The following MOXD1 variants were observed in gnomAD, a reference collection of about 807,000 sequenced individuals.
MOXD1 encodes DBH-like monooxygenase protein 1.
MOXD1 carries 62 observed loss-of-function variants against 66.6 expected under a neutral mutation model. The ratio of observed to expected loss-of-function variants is 0.93; its 90% CI spans 0.76 to 1.15. The LOEUF (loss-of-function observed/expected upper bound fraction) is 1.15. Ranked by LOEUF, MOXD1 falls within the 50% of genes most tolerant of loss-of-function variation. The pLI is 0.00. For synonymous variants in MOXD1, 303 were observed against 281.9 expected, an observed-to-expected ratio of 1.07 and a Z score of -0.75; for missense variants, 847 against 754.6, an observed-to-expected ratio of 1.12 and a Z score of -1.44.
At chr6:132,380,872 G>T (rs1776494243) in intron 1 of MOXD1, among the ~76,000 whole-genome samples, 1 of 152,114 alleles carries the variant, frequency 6.6e-6, no homozygotes, top group Non-Finnish European at 1.5e-5. Context: ...GACACATCTG[G>T]CACTGAAATC....
intron 4 of MOXD1, among the ~76,000 whole-genome samples, chr6:132,361,572 T>C (rs2114642618): frequency 6.6e-6 from 1 of 152,224 alleles, no homozygotes; most frequent in East Asian, 1.9e-4. Flanking sequence ...TCCTGGGAAA[T>C]TTTAATATAT....
At position 132,375,582 on chromosome 6, in the gene MOXD1, C is replaced by T. The variant is rs140920000; in HGVS notation, c.265-805G>A. ...CTGGGACCACAGGTGCCCACCGCCA[C>T]GCCTGGCTAATGCATTTTTAGTAGA... On this transcript the variant is annotated intron_variant, in intron 1 of 11. Coordinates refer to ENST00000367963, the MANE Select transcript of MOXD1 (RefSeq NM_015529.4). 2.8e-3 allele frequency among the ~76,000 whole-genome samples: 429 copies of T among 152,234 alleles called. 3 individuals are homozygous for T. Among genetic ancestry groups the T allele is most frequent in the African/African-American group, 9.8e-3 (405 of 41,526 alleles).
chr6:132,343,340 T>C (rs897095007), intron 4 of MOXD1, among the ~76,000 whole-genome samples: 16 of 152,130 alleles, frequency 1.1e-4, no homozygotes, highest in African/African-American at 3.1e-4. Context: ...TTTGGGAGAC[T>C]GAGGTGGGCG....
chr6:132,401,059 G>A (rs970628302), intron 1 of MOXD1, 104 bp downstream of exon 1: 40 of 1,308,180 alleles, frequency 3.1e-5, no homozygotes, highest in Non-Finnish European at 3.8e-5. Context: ...TGCGCCAGGT[G>A]AGAGAGAGCT....
At position 132,315,748 on chromosome 6, in the gene MOXD1, A is replaced by G. The variant is rs1376062348; in HGVS notation, c.1395T>C (p.Cys465=). Residue 465 remains cysteine (C), a synonymous_variant, in exon 10 of 12, where the codon TGT becomes TGC. Transcript: ENST00000367963. ...WGGLSTRSEM[C]LSYLLYYPRI... is the part of the protein sequence containing the mutation. ...TTGGGTAATAAAGAAGGTATGAGAG[A>G]CACATTTCACTCCTGGTGCTTAGTC... The G allele has an allele frequency of 6.2e-7, 1 of 1,613,502 alleles. No individual in the cohort carries two copies. The highest frequency in any genetic ancestry group is 8.5e-7 in the Non-Finnish European group (1 of 1,179,686).
At chr6:132,367,077 C>T (rs1415218373) in intron 4 of MOXD1, among the ~76,000 whole-genome samples, 4 of 152,048 alleles carry the variant, frequency 2.6e-5, no homozygotes, top group African/African-American at 7.2e-5. Context: ...ATTTCTCTTC[C>T]TGTAGCAATT....
At chr6:132,303,403 A>G (rs2114529027) in intron 10 of MOXD1, among the ~76,000 whole-genome samples, 1 of 152,188 alleles carries the variant, frequency 6.6e-6, no homozygotes, top group African/African-American at 2.4e-5. Flanking sequence ...TGGGGGACTG[A>G]GGATAGCAAA....
chr6:132,354,134 T>C (rs965833898), intron 4 of MOXD1, among the ~76,000 whole-genome samples: 1 of 152,350 alleles, frequency 6.6e-6, no homozygotes, highest in East Asian at 1.9e-4. Flanking sequence ...ATAAGTAACC[T>C]CCTGAATTCT....
intron 4 of MOXD1, among the ~76,000 whole-genome samples, chr6:132,360,162 G>A (rs1025833193): frequency 2.0e-5 from 3 of 152,170 alleles, no homozygotes; most frequent in South Asian, 2.1e-4. Context: ...TGAAGTCAGC[G>A]TCCTATTTTT....
At chr6:132,340,441 CTT>C (rs71868555) in intron 4 of MOXD1, among the ~76,000 whole-genome samples, 2,430 of 106,318 alleles carry the variant, frequency 0.023, 52 homozygotes, top group African/African-American at 0.078. Flanking sequence ...GCAACACTTT[CTT>C]TTTTTTTTTT....
In MOXD1 at chr6:132,376,574, C is replaced by G. The variant is rs1473199927; in HGVS notation, c.265-1797G>C. ...TGTCGCCCAGGCTGGAGTGCAGTGG[C>G]GGGATCTCGGCTCACTGCAAGCTCC... On this transcript the variant is annotated intron_variant, in intron 1 of 11. Transcript: ENST00000367963. Among the ~76,000 whole-genome samples, 2 of 50,254 alleles carry G rather than the reference C, an allele frequency of 4.0e-5. 1 individual carries two copies. Among genetic ancestry groups the G allele is most frequent in the East Asian group, 6.1e-3 (2 of 326 alleles). The allele number at this position is 50,254 out of a possible 152,430, so 33.0% of individuals were successfully genotyped here.
intron 1 of MOXD1, among the ~76,000 whole-genome samples, chr6:132,385,354 T>A (rs1241152770): frequency 6.6e-6 from 1 of 152,104 alleles, no homozygotes; most frequent in Non-Finnish European, 1.5e-5. Flanking sequence ...CCCTCCACCT[T>A]CTTTTGAGTA....
Position 132,401,443 on chromosome 6 carries a change from C to G in MOXD1, c.-17G>C. On this transcript the variant is annotated 5_prime_UTR_variant, in exon 1 of 12. Transcript: ENST00000367963. ...GCAGCACATCCTCGGGCGCCTCCTG[C>G]CCGCCGGTACCGGCCTCCAGCCGCT... is the stretch of plus-strand genomic sequence containing the variant. The G allele has an allele frequency of 1.4e-6, 2 of 1,465,950 alleles. No individual in the cohort carries two copies. Among genetic ancestry groups the G allele is most frequent in the Non-Finnish European group, 1.8e-6 (2 of 1,115,012 alleles). 90.8% of individuals were successfully genotyped at this position (1,465,950 alleles called of 1,614,324 possible). A position where few individuals can be genotyped will look rare whatever the true frequency, so the allele number is the denominator to read the frequency against.
At chr6:132,321,510 A>T (rs1775078137) in intron 8 of MOXD1, among the ~76,000 whole-genome samples, 2 of 152,158 alleles carry the variant, frequency 1.3e-5, no homozygotes. Flanking sequence ...TTTGTACATT[A>T]CAATACATAT....
chr6:132,387,443 T>G (rs1483024275), intron 1 of MOXD1, among the ~76,000 whole-genome samples: 1 of 151,174 alleles, frequency 6.6e-6, no homozygotes, highest in Non-Finnish European at 1.5e-5. Flanking sequence ...TGTAACCTAA[T>G]GTAGCCAGTC....
In MOXD1 at chr6:132,384,181, TCCTCTCTTCCTTCCTCCCTC is replaced by T. The variant is rs1776566636; in HGVS notation, c.265-9424_265-9405del. Among the ~76,000 whole-genome samples, 8 of 150,794 alleles carry T rather than the reference TCCTCTCTTCCTTCCTCCCTC, an allele frequency of 5.3e-5. No individual in the cohort carries two copies. In the South Asian group the frequency reaches 1.7e-3, roughly 32 times the overall value. On this transcript the variant is annotated intron_variant, in intron 1 of 11. Coordinates refer to ENST00000367963, the MANE Select transcript of MOXD1 (RefSeq NM_015529.4). ...TCCCTCCCTTTCTTCCTCTCTCCCT[TCCTCTCTTCCTTCCTCCCTC>T]CCTCTCTTCCTTCCTTCCTCCTTCC...
chr6:132,365,126 G>GT (rs1554235912), intron 4 of MOXD1, among the ~76,000 whole-genome samples: 1 of 151,898 alleles, frequency 6.6e-6, no homozygotes, highest in African/African-American at 2.4e-5. Flanking sequence ...AAAAAAGTGA[G>GT]TGTTGTATAG....
intron 10 of MOXD1, among the ~76,000 whole-genome samples, chr6:132,311,079 GTAAA>G (rs1774819425): frequency 2.0e-5 from 3 of 152,190 alleles, no homozygotes; most frequent in South Asian, 4.1e-4. Context: ...AATCCTACAA[GTAAA>G]GGAAAAATTC....
intron 4 of MOXD1, among the ~76,000 whole-genome samples, chr6:132,359,785 C>T (rs1433103203): frequency 1.3e-5 from 2 of 152,126 alleles, no homozygotes; most frequent in African/African-American, 4.8e-5. Flanking sequence ...CGCGCCCGGC[C>T]CAGAGTTTTA....
Sources: gnomAD v4.1 joint callset for allele counts (sites outside exome capture counted in the v4.1 genomes callset) on GRCh38, gnomAD v4.1.1 for gene constraint, MANE v1.5 for transcripts, NCBI Gene and HGNC (gene_info 2026-07-23, HGNC 2026-07-21) for gene names.